Variants in LRP1B observed in about 807,000 individuals in gnomAD.
LRP1B encodes LDL receptor related protein 1B.
Under a neutral mutation model 556.6 loss-of-function variants are expected in LRP1B, and 217 were observed. The ratio of observed to expected loss-of-function variants is 0.39; its 90% CI spans 0.35 to 0.44. LRP1B has a LOEUF of 0.44. Ranked by LOEUF, LRP1B falls within the 20% of genes least tolerant of loss-of-function variation. The pLI is 1.00. For missense variants in LRP1B, 5,053 were observed against 5,620.8 expected (o/e 0.90, Z 3.23); for synonymous variants, 2,047 against 1,865.8 (o/e 1.10, Z -2.50).
chr2:141,472,559 A>T (rs968586688), intron 3 of LRP1B, among the ~76,000 whole-genome samples: 1 of 152,140 alleles, frequency 6.6e-6, no homozygotes. Context: ...TTAAAATCAA[A>T]TCAAATCAAA....
At chr2:141,934,230 A>T (rs1161884265) in intron 1 of LRP1B, among the ~76,000 whole-genome samples, 2 of 152,038 alleles carry the variant, frequency 1.3e-5, no homozygotes, top group Non-Finnish European at 2.9e-5. Flanking sequence ...AGAGTCTAGT[A>T]AAAAAATAGA....
intron 11 of LRP1B, among the ~76,000 whole-genome samples, chr2:141,034,392 C>G (rs945665938): frequency 2.6e-5 from 4 of 151,896 alleles, no homozygotes; most frequent in African/African-American, 9.7e-5. Context: ...TTCTGCACAG[C>G]AAAAGAAACT....
chr2:140,562,397 A>G (rs1213569396), intron 43 of LRP1B, among the ~76,000 whole-genome samples: 1 of 152,136 alleles, frequency 6.6e-6, no homozygotes, highest in Non-Finnish European at 1.5e-5. Flanking sequence ...TATAGATACA[A>G]AGTACTAACA....
At chr2:141,050,180 T>C (rs889661489) in intron 10 of LRP1B, among the ~76,000 whole-genome samples, 2 of 151,802 alleles carry the variant, frequency 1.3e-5, no homozygotes, top group African/African-American at 4.8e-5. Context: ...TAAAATAATA[T>C]ATTATTAAAA....
At chr2:141,128,973 T>A (rs1044584306) in intron 7 of LRP1B, among the ~76,000 whole-genome samples, 5 of 152,160 alleles carry the variant, frequency 3.3e-5, no homozygotes, top group African/African-American at 1.2e-4. Context: ...AATACTTTTA[T>A]ATGAGATTAT....
chr2:141,191,503 G>A (rs555573016), intron 6 of LRP1B, among the ~76,000 whole-genome samples: 2 of 151,848 alleles, frequency 1.3e-5, no homozygotes, highest in Non-Finnish European at 2.9e-5. Flanking sequence ...GTCAAAACAA[G>A]GTAGAGAAGG....
At chr2:140,600,347 G>T (rs191684847) in intron 42 of LRP1B, among the ~76,000 whole-genome samples, 74 of 152,158 alleles carry the variant, frequency 4.9e-4, no homozygotes, top group Non-Finnish European at 5.6e-4. Context: ...CAAGCTCCAT[G>T]AGTCATTACA....
chr2:141,703,243 A>G (rs1692012626), intron 2 of LRP1B, among the ~76,000 whole-genome samples: 1 of 151,866 alleles, frequency 6.6e-6, no homozygotes, highest in African/African-American at 2.4e-5. Flanking sequence ...TACAGGTGTT[A>G]TAAGGAACCT....
chr2:141,494,311 G>C (rs1683440684), intron 2 of LRP1B, among the ~76,000 whole-genome samples: 1 of 152,146 alleles, frequency 6.6e-6, no homozygotes, highest in Non-Finnish European at 1.5e-5. Context: ...GGGCAAGTTA[G>C]TACCTTTGAA....
chr2:141,374,290 CT>C (rs1689346843), intron 3 of LRP1B, among the ~76,000 whole-genome samples: 1 of 152,076 alleles, frequency 6.6e-6, no homozygotes. Flanking sequence ...ATACTTTTCT[CT>C]TGCTAATTTT....
At chr2:141,647,534 A>G (rs1053756128) in intron 2 of LRP1B, among the ~76,000 whole-genome samples, 1 of 152,172 alleles carries the variant, frequency 6.6e-6, no homozygotes, top group African/African-American at 2.4e-5. Flanking sequence ...GAGAATAGAC[A>G]TGCTTCATCA....
chr2:142,019,309 G>A (rs931418680), intron 1 of LRP1B, among the ~76,000 whole-genome samples: 2 of 152,124 alleles, frequency 1.3e-5, no homozygotes, highest in African/African-American at 4.8e-5. Context: ...GTAGTTTAGT[G>A]TTGGAAGGGA....
At chr2:141,974,752 C>T (rs1701837891) in intron 1 of LRP1B, among the ~76,000 whole-genome samples, 1 of 152,056 alleles carries the variant, frequency 6.6e-6, no homozygotes, top group Non-Finnish European at 1.5e-5. Context: ...GACAACTAGC[C>T]TGACAACTAC....
chr2:140,383,298 G>C (rs1033575271), intron 67 of LRP1B, among the ~76,000 whole-genome samples: 1 of 128,260 alleles, frequency 7.8e-6, no homozygotes, highest in Admixed American at 7.3e-5. Context: ...ATGTGCGTGT[G>C]TGTGTGTGTG....
chr2:140,963,014 C>T (rs1696083703), intron 18 of LRP1B, among the ~76,000 whole-genome samples: 1 of 152,016 alleles, frequency 6.6e-6, no homozygotes, highest in African/African-American at 2.4e-5. Flanking sequence ...CTTACATATG[C>T]TGTAATGAAA....
intron 83 of LRP1B, among the ~76,000 whole-genome samples, chr2:140,309,723 C>A (rs1187357945): frequency 6.6e-6 from 1 of 151,664 alleles, no homozygotes; most frequent in Non-Finnish European, 1.5e-5. Context: ...AACAATAATA[C>A]ATGTTAATAG....
intron 22 of LRP1B, among the ~76,000 whole-genome samples, chr2:140,904,630 A>C (rs1694195878): frequency 6.6e-6 from 1 of 152,138 alleles, no homozygotes; most frequent in Non-Finnish European, 1.5e-5. Context: ...AAATGATTGT[A>C]TGAACTGTTT....
chr2:141,177,736 C>CAATATTAGAACTTCT (rs1423055692), intron 7 of LRP1B, among the ~76,000 whole-genome samples: 1 of 152,032 alleles, frequency 6.6e-6, no homozygotes, highest in Non-Finnish European at 1.5e-5. Context: ...CTAATAGTTC[C>CAATATTAGAACTTCT]AATATTAGAA....
intron 2 of LRP1B, among the ~76,000 whole-genome samples, chr2:141,761,949 T>C (rs1227926161): frequency 6.6e-6 from 1 of 152,194 alleles, no homozygotes; most frequent in Non-Finnish European, 1.5e-5. Flanking sequence ...GTACACAGAC[T>C]GGAAATCATG....
Sources: gnomAD v4.1 joint callset for allele counts (sites outside exome capture counted in the v4.1 genomes callset) on GRCh38, gnomAD v4.1.1 for gene constraint, MANE v1.5 for transcripts, NCBI Gene and HGNC (gene_info 2026-07-23, HGNC 2026-07-21) for gene names.